Variants in APLF observed in about 807,000 individuals in gnomAD.
The protein encoded by APLF is aprataxin and PNKP like factor.
In APLF, 61 loss-of-function variants were observed where a neutral mutation model predicts 55.6. The ratio of observed to expected loss-of-function variants is 1.10; its 90% confidence interval spans 0.89 to 1.36. The LOEUF is 1.36. Ranked by LOEUF, APLF falls within the 40% of genes most tolerant of loss-of-function variation. The probability of loss-of-function intolerance (pLI) is 0.00; values close to 1 mark genes in which losing one functional copy is unlikely to be tolerated. For missense variants in APLF, 611 were observed against 602.5 expected (o/e 1.01, Z -0.15); for synonymous variants, 207 against 214.8 (o/e 0.96, Z 0.32).
In APLF at chr2:68,578,155, T is replaced by TTTACAAATGAGACA. The variant is rs2104091804; in HGVS notation, c.*136_*149dup. ...AGTTAATGACTTTTACTACTGACTC[T>TTTACAAATGAGACA]TTACAAATGAGACATTGAAACGTCA... On this transcript the variant is annotated 3_prime_UTR_variant, in exon 10 of 10. Coordinates refer to ENST00000303795, the MANE Select transcript of APLF (RefSeq NM_173545.3). 2 of 1,425,130 alleles carry TTTACAAATGAGACA rather than the reference T, an allele frequency of 1.4e-6. No homozygotes were observed. Among genetic ancestry groups the TTTACAAATGAGACA allele is most frequent in the African/African-American group, 2.9e-5 (2 of 69,514 alleles). The allele number at this position is 1,425,130 out of a possible 1,614,324, so 88.3% of individuals were successfully genotyped here.
In APLF at chr2:68,539,367, G is replaced by A. The variant is rs192248324; in HGVS notation, c.1160+1140G>A. ...CCTAGATCATGGTGTCAGCAAGTTT[G>A]TTTTCTCCTGAGACCTCTTTTCTTG... On this transcript the variant is annotated intron_variant, in intron 7 of 9. Coordinates refer to ENST00000303795, the MANE Select transcript of APLF (RefSeq NM_173545.3). Among the ~76,000 whole-genome samples the A allele has an allele frequency of 8.6e-4, 131 of 152,312 alleles. 1 individual carries two copies. Among genetic ancestry groups the A allele is most frequent in the Non-Finnish European group, 1.4e-3 (95 of 68,022 alleles).
chr2:68,492,722 A>G (rs912378092), intron 2 of APLF, among the ~76,000 whole-genome samples: 7 of 152,174 alleles, frequency 4.6e-5, no homozygotes, highest in Admixed American at 3.3e-4. Flanking sequence ...TGACATTAAC[A>G]GGTGTCTTTT....
At chr2:68,523,553 A>G (rs1669951803) in intron 5 of APLF, among the ~76,000 whole-genome samples, 1 of 151,940 alleles carries the variant, frequency 6.6e-6, no homozygotes, top group South Asian at 2.1e-4. Flanking sequence ...TACGCATGCA[A>G]TAGTTAATAT....
chr2:68,578,749 T>C lies in APLF; in HGVS notation c.*727T>C. 1 of 985,272 alleles carries C rather than the reference T, an allele frequency of 1.0e-6. No homozygotes were observed. The highest frequency in any genetic ancestry group is 1.2e-6 in the Non-Finnish European group (1 of 829,844). 61.0% of individuals were successfully genotyped at this position (985,272 alleles called of 1,614,324 possible). A position where few individuals can be genotyped will look rare whatever the true frequency, so the allele number is the denominator to read the frequency against. ...TAAAGTCCTAGCTGATTATTTTAAC[T>C]CTCAGTGTGCTGTCTTTATATTAAG... On this transcript the variant is annotated 3_prime_UTR_variant, in exon 10 of 10. Transcript: ENST00000303795.
intron 8 of APLF, among the ~76,000 whole-genome samples, chr2:68,558,640 C>T (rs1312324558): frequency 2.0e-5 from 3 of 151,966 alleles, no homozygotes; most frequent in Non-Finnish European, 4.4e-5. Flanking sequence ...TTCTCTTCAG[C>T]TTTTATTTTG....
rs1573131856 is a variant in APLF at position 68,467,758 on chromosome 2, G to A, written c.27G>A (p.Pro9=). MSGGFELQ[P]RDGGPRVALA... The stretch of plus-strand genomic sequence containing the variant: ...TGTCCGGGGGCTTCGAGCTGCAGCC[G>A]CGGGACGGCGGTCCCCGGGTGGCCC... Residue 9 remains proline, a synonymous_variant, in exon 1 of 10, where the codon CCG becomes CCA. Transcript: ENST00000303795. 1 of 1,234,712 alleles carries A rather than the reference G, an allele frequency of 8.1e-7. No individual in the cohort carries two copies. The highest frequency in any genetic ancestry group is 1.0e-6 in the Non-Finnish European group (1 of 988,034). 76.5% of individuals were successfully genotyped at this position (1,234,712 alleles called of 1,614,324 possible). A position where few individuals can be genotyped will look rare whatever the true frequency, so the allele number is the denominator to read the frequency against.
chr2:68,509,513 A>G (rs1291510085), intron 3 of APLF, among the ~76,000 whole-genome samples: 2 of 152,144 alleles, frequency 1.3e-5, no homozygotes, highest in East Asian at 1.9e-4. Context: ...CAAAACCACA[A>G]TGAGATACCA....
chr2:68,568,378 T>C, intron 9 of APLF: 1 of 896,610 alleles, frequency 1.1e-6, no homozygotes, highest in Non-Finnish European at 1.3e-6. Flanking sequence ...ATGATTTCAC[T>C]GTAAGGGAAT....
At chr2:68,525,738 C>CTTTTTT (rs1316999754) in intron 5 of APLF, among the ~76,000 whole-genome samples, 2 of 106,842 alleles carry the variant, frequency 1.9e-5, no homozygotes, top group African/African-American at 9.3e-5. Flanking sequence ...TATTTTCTTT[C>CTTTTTT]TTTCTTTTTT....
intron 7 of APLF, among the ~76,000 whole-genome samples, chr2:68,540,954 G>A (rs766084711): frequency 6.6e-6 from 1 of 152,166 alleles, no homozygotes; most frequent in Non-Finnish European, 1.5e-5. Flanking sequence ...ATTGGTGCAA[G>A]GATAGATAAA....
intron 1 of APLF, among the ~76,000 whole-genome samples, chr2:68,483,341 C>T (rs1024894207): frequency 2.6e-5 from 4 of 152,154 alleles, no homozygotes; most frequent in African/African-American, 9.7e-5. Flanking sequence ...TTACCATTAC[C>T]CCATAAGAAG....
At chr2:68,548,701 G>T (rs901521512) in intron 8 of APLF, among the ~76,000 whole-genome samples, 3 of 151,842 alleles carry the variant, frequency 2.0e-5, no homozygotes, top group African/African-American at 7.2e-5. Flanking sequence ...CATAGCTCAT[G>T]TTGTATATAA....
At chr2:68,521,723 A>C (rs538801526) in intron 5 of APLF, among the ~76,000 whole-genome samples, 10 of 152,090 alleles carry the variant, frequency 6.6e-5, no homozygotes, top group African/African-American at 2.4e-4. Flanking sequence ...TTCTTCCTGC[A>C]TCTTCTAAGC....
At chr2:68,514,054 C>G (rs531051159) in intron 5 of APLF, among the ~76,000 whole-genome samples, 4 of 151,774 alleles carry the variant, frequency 2.6e-5, no homozygotes, top group African/African-American at 7.2e-5. Flanking sequence ...TTTACTGATT[C>G]TTTTTTCTGC....
intron 6 of APLF, among the ~76,000 whole-genome samples, chr2:68,527,312 C>T (rs571268861): frequency 1.9e-4 from 29 of 151,164 alleles, no homozygotes; most frequent in Admixed American, 1.2e-3. Context: ...CAGGCAGAGG[C>T]GCTCCTCATT....
chr2:68,549,479 G>C (rs1295399962), intron 8 of APLF, among the ~76,000 whole-genome samples: 1 of 151,836 alleles, frequency 6.6e-6, no homozygotes, highest in Non-Finnish European at 1.5e-5. Context: ...TATCATTATT[G>C]ATTTATAATT....
rs558019130 is a variant in APLF, at chr2:68,538,736, A to G, written c.1160+509A>G. Among the ~76,000 whole-genome samples, 4 of 152,242 alleles carry G rather than the reference A, an allele frequency of 2.6e-5. No individual in the cohort carries two copies. The East Asian group carries it at 7.7e-4, about 29-fold the overall frequency. ...TTGCTTCATTTATTTACACTGCCCT[A>G]TATACTCTAATTTCTTATTTTGAGA... is the stretch of plus-strand genomic sequence containing the variant. On this transcript the variant is annotated intron_variant, in intron 7 of 9. Coordinates refer to ENST00000303795, the MANE Select transcript of APLF (RefSeq NM_173545.3).
chr2:68,537,847 G>C (rs751682508), intron 6 of APLF, 25 bp from the exon 7 acceptor site: 3 of 1,465,248 alleles, frequency 2.0e-6, no homozygotes, highest in Non-Finnish European at 2.8e-6. Flanking sequence ...ATTTATTTCT[G>C]ATGTTTTTCA....
chr2:68,483,223 T>A (rs549898176), intron 1 of APLF, among the ~76,000 whole-genome samples: 2 of 152,224 alleles, frequency 1.3e-5, no homozygotes, highest in African/African-American at 4.8e-5. Flanking sequence ...TGTGGAGTAA[T>A]GTAGCTTTGT....
Sources: gnomAD v4.1 joint callset for allele counts (sites outside exome capture counted in the v4.1 genomes callset) on GRCh38, gnomAD v4.1.1 for gene constraint, MANE v1.5 for transcripts, NCBI Gene and HGNC (gene_info 2026-07-23, HGNC 2026-07-21) for gene names.